Variants in PPP2R2B observed in about 807,000 individuals in gnomAD.
PPP2R2B encodes the protein serine/threonine-protein phosphatase 2A 55 kDa regulatory subunit B beta isoform.
Under a neutral mutation model 46.0 loss-of-function variants are expected in PPP2R2B, and 5 were observed. The observed-to-expected ratio is 0.11, with a 90% CI of 0.06 to 0.23. The LOEUF (loss-of-function observed/expected upper bound fraction) is 0.23. PPP2R2B is among the 10% of genes least tolerant of loss of function. The pLI is 1.00. For synonymous variants in PPP2R2B, 215 were observed against 206.7 expected, an observed-to-expected ratio of 1.04 and a Z score of -0.34; for missense variants, 367 against 575.0, an observed-to-expected ratio of 0.64 and a Z score of 3.70.
intron 9 of PPP2R2B, 130 bp from the exon 10 acceptor site, chr5:146,590,356 A>T (rs1770494492): frequency 1.2e-6 from 1 of 805,000 alleles, no homozygotes. Context: ...AAATGAGAAC[A>T]GGCTCTGCAG....
intron 2 of PPP2R2B, among the ~76,000 whole-genome samples, chr5:146,805,334 C>G: frequency 6.6e-6 from 1 of 152,136 alleles, no homozygotes; most frequent in East Asian, 1.9e-4. Flanking sequence ...TTCACCCCTC[C>G]CCCCAACTCT....
At chr5:146,609,529 C>T (rs1351199879) in intron 7 of PPP2R2B, among the ~76,000 whole-genome samples, 1 of 152,042 alleles carries the variant, frequency 6.6e-6, no homozygotes, top group Non-Finnish European at 1.5e-5. Flanking sequence ...TCTACAGCTC[C>T]CAGCGTGAGC....
chr5:147,022,420 G>T (rs1003251732), intron 1 of PPP2R2B, among the ~76,000 whole-genome samples: 1 of 151,748 alleles, frequency 6.6e-6, no homozygotes, highest in African/African-American at 2.4e-5. Flanking sequence ...AAATTGTTGG[G>T]TGTGGTAGCA....
intron 1 of PPP2R2B, among the ~76,000 whole-genome samples, chr5:146,996,968 T>C (rs1239133671): frequency 6.6e-6 from 1 of 152,154 alleles, no homozygotes; most frequent in Non-Finnish European, 1.5e-5. Flanking sequence ...GCAGACTGGC[T>C]TTATGACTTT....
intron 2 of PPP2R2B, among the ~76,000 whole-genome samples, chr5:147,080,653 A>C (rs570628421): frequency 6.6e-6 from 1 of 152,208 alleles, no homozygotes; most frequent in African/African-American, 2.4e-5. Context: ...ATATGACTAG[A>C]CTTGACTTCT....
intron 5 of PPP2R2B, among the ~76,000 whole-genome samples, chr5:146,668,063 A>G (rs1777119047): frequency 1.3e-5 from 2 of 152,132 alleles, no homozygotes; most frequent in South Asian, 4.1e-4. Context: ...CCACCCATCC[A>G]TATCCCTAAA....
chr5:147,050,969 C>T (rs1382576973), intron 1 of PPP2R2B, among the ~76,000 whole-genome samples: 1 of 151,936 alleles, frequency 6.6e-6, no homozygotes, highest in Non-Finnish European at 1.5e-5. Flanking sequence ...CCCACCCTCC[C>T]ATTGAGTCCT....
chr5:146,826,034 G>A (rs1437567788), intron 2 of PPP2R2B, among the ~76,000 whole-genome samples: 1 of 152,148 alleles, frequency 6.6e-6, no homozygotes, highest in East Asian at 1.9e-4. Context: ...GTAGAGAAGT[G>A]TAGAAGCTGT....
chr5:146,686,593 G>C (rs1398942603), intron 5 of PPP2R2B, among the ~76,000 whole-genome samples: 1 of 151,696 alleles, frequency 6.6e-6, no homozygotes, highest in Non-Finnish European at 1.5e-5. Flanking sequence ...AGGCATGTTT[G>C]AATAAAATCC....
chr5:146,908,775 C>T (rs769791269), intron 1 of PPP2R2B, among the ~76,000 whole-genome samples: 14 of 150,614 alleles, frequency 9.3e-5, no homozygotes, highest in East Asian at 2.0e-4. Context: ...CTTCCTTTCC[C>T]GCCCTCCCTT....
At chr5:146,845,002 C>T (rs956197128) in intron 2 of PPP2R2B, among the ~76,000 whole-genome samples, 3 of 152,190 alleles carry the variant, frequency 2.0e-5, no homozygotes, top group Non-Finnish European at 2.9e-5. Context: ...CCATGAGATC[C>T]CACTTTTGGC....
intron 1 of PPP2R2B, among the ~76,000 whole-genome samples, chr5:146,972,281 A>G (rs1291590018): frequency 1.3e-5 from 2 of 152,216 alleles, no homozygotes; most frequent in East Asian, 3.8e-4. Context: ...TGTTATCAAC[A>G]TGACTTATCA....
chr5:146,798,915 T>C (rs1756698899), intron 2 of PPP2R2B, among the ~76,000 whole-genome samples: 1 of 152,194 alleles, frequency 6.6e-6, no homozygotes. Flanking sequence ...TCTTTTTCCT[T>C]GTGAGCCTGT....
intron 2 of PPP2R2B, among the ~76,000 whole-genome samples, chr5:146,810,279 T>C (rs892030689): frequency 2.0e-5 from 3 of 152,090 alleles, no homozygotes; most frequent in Non-Finnish European, 4.4e-5. Flanking sequence ...CTCACAATCA[T>C]GGTGGAAGGT....
At chr5:146,662,702 T>C (rs1376205760) in intron 5 of PPP2R2B, among the ~76,000 whole-genome samples, 2 of 152,208 alleles carry the variant, frequency 1.3e-5, no homozygotes, top group Admixed American at 6.5e-5. Context: ...TATAGTTCTA[T>C]ACTGATTGAA....
intron 7 of PPP2R2B, among the ~76,000 whole-genome samples, chr5:146,616,230 C>G (rs1031073973): frequency 6.6e-6 from 1 of 152,114 alleles, no homozygotes. Flanking sequence ...ATACAAAAGT[C>G]AAATCAAAAT....
chr5:146,951,469 C>G (rs997226372), intron 1 of PPP2R2B, among the ~76,000 whole-genome samples: 2 of 151,872 alleles, frequency 1.3e-5, no homozygotes, highest in African/African-American at 4.8e-5. Context: ...GTATTAAGCC[C>G]GGTATGCATT....
rs543106276 is a variant in PPP2R2B at position 147,061,877 on chromosome 5, T to C, written c.50+19182A>G. Among the ~76,000 whole-genome samples, 9 of 152,294 alleles carry C rather than the reference T, an allele frequency of 5.9e-5. No individual in the cohort carries two copies. In the East Asian group the frequency reaches 1.7e-3, roughly 29 times the overall value. On this transcript the variant is annotated intron_variant, in intron 2 of 10. Coordinates refer to the PPP2R2B transcript ENST00000394413. ...ACCAAATTTTATATAGTAACTCTCA[T>C]AGTACCTAGAAAGAGTAGACAAATA...
At chr5:147,037,623 G>C (rs1756105002) in intron 1 of PPP2R2B, among the ~76,000 whole-genome samples, 1 of 152,008 alleles carries the variant, frequency 6.6e-6, no homozygotes, top group African/African-American at 2.4e-5. Context: ...GTGTATCATG[G>C]GATATGTATC....
Sources: allele counts gnomAD v4.1 joint callset (sites outside exome capture counted in the v4.1 genomes callset), GRCh38; gene constraint gnomAD v4.1.1; transcripts MANE v1.5; gene names NCBI Gene and HGNC (gene_info 2026-07-23, HGNC 2026-07-21).